Variants in L3MBTL4 observed in about 807,000 individuals in gnomAD.
L3MBTL4 encodes L3MBTL histone methyl-lysine binding protein 4, also known as lethal(3)malignant brain tumor-like protein 4.
Under a neutral mutation model 84.5 loss-of-function variants are expected in L3MBTL4, and 70 were observed. That is an observed-to-expected ratio of 0.83 (90% CI 0.68 to 1.01). The LOEUF (loss-of-function observed/expected upper bound fraction) is 1.01. L3MBTL4 is among the 50% of genes least tolerant of loss of function. The probability of loss-of-function intolerance (pLI) is 0.00; values close to 1 mark genes in which losing one functional copy is unlikely to be tolerated. For missense variants in L3MBTL4, 715 were observed against 754.8 expected (o/e 0.95, Z 0.62); for synonymous variants, 274 against 259.8 (o/e 1.05, Z -0.52).
Position 6,311,675 on chromosome 18 carries a change from T to C in L3MBTL4, c.-31-19A>G. 6.7e-7 allele frequency: 1 copy of C among 1,493,250 alleles called. No individual in the cohort carries two copies. Among genetic ancestry groups the C allele is most frequent in the Non-Finnish European group, 9.3e-7 (1 of 1,070,394 alleles). The allele number at this position is 1,493,250 out of a possible 1,614,324, so 92.5% of individuals were successfully genotyped here. On this transcript the variant is annotated intron_variant, in intron 2 of 18. Coordinates refer to ENST00000317931, the MANE Select transcript of L3MBTL4 (RefSeq NM_001330559.2). ...TGGTTTTCTGTAAAACAGGGTTACA[T>C]AAGAAGTTGGGGATGGGGGTGTGAC...
intron 4 of L3MBTL4, among the ~76,000 whole-genome samples, chr18:6,294,808 T>C (rs779079146): frequency 1.3e-5 from 2 of 152,162 alleles, no homozygotes; most frequent in Non-Finnish European, 2.9e-5. Flanking sequence ...ATCACAGATG[T>C]AGGAGAGACT....
chr18:5,955,547 G>A lies in L3MBTL4; in HGVS notation c.*673C>T, dbSNP rs575792921. On this transcript the variant is annotated 3_prime_UTR_variant, in exon 19 of 19. Transcript: ENST00000317931. ...AGCTTTTGGAAGTGCCCACCTGACC[G>A]TCCTCTCATTACTCCTGGCTACTCT... The A allele has an allele frequency of 2.0e-4, 31 of 152,338 alleles. No individual in the cohort carries two copies. Among genetic ancestry groups the A allele is most frequent in the African/African-American group, 4.6e-4 (19 of 41,562 alleles). The allele number at this position is 152,338 out of a possible 1,614,324, so 9.4% of individuals were successfully genotyped here. A position where few individuals can be genotyped will look rare whatever the true frequency, so the allele number is the denominator to read the frequency against.
intron 1 of L3MBTL4, among the ~76,000 whole-genome samples, chr18:6,321,034 A>G (rs1178901502): frequency 1.3e-5 from 2 of 152,192 alleles, no homozygotes; most frequent in African/African-American, 2.4e-5. Context: ...CCACATGTAG[A>G]AGAATGAAAC....
At chr18:6,191,997 C>T (rs537037911) in intron 12 of L3MBTL4, among the ~76,000 whole-genome samples, 242 of 146,054 alleles carry the variant, frequency 1.7e-3, no homozygotes, top group Non-Finnish European at 2.7e-3. Flanking sequence ...GTCCCCTCCT[C>T]CCCCCCCTCA....
chr18:6,045,455 TTTATTGGAC>T (rs148319916), intron 16 of L3MBTL4, among the ~76,000 whole-genome samples: 19,474 of 152,026 alleles, frequency 0.13, 1,546 homozygotes, highest in Middle Eastern at 0.2. Context: ...AAGAAAGAAG[TTTATTGGAC>T]TTACAGTTCC....
intron 10 of L3MBTL4, among the ~76,000 whole-genome samples, chr18:6,221,029 T>A (rs962098442): frequency 5.9e-5 from 9 of 152,310 alleles, no homozygotes; most frequent in Non-Finnish European, 8.8e-5. Flanking sequence ...TCCTCAGTTT[T>A]TTTTTCCATA....
intron 15 of L3MBTL4, among the ~76,000 whole-genome samples, chr18:6,087,448 G>A (rs867332851): frequency 8.5e-5 from 13 of 152,186 alleles, no homozygotes; most frequent in African/African-American, 2.4e-4. Context: ...CTTTCCCTCC[G>A]TAGAGCTCCT....
chr18:6,327,429 C>T (rs796254440), intron 1 of L3MBTL4, among the ~76,000 whole-genome samples: 4 of 152,112 alleles, frequency 2.6e-5, no homozygotes, highest in Non-Finnish European at 5.9e-5. Context: ...TTATACAGCA[C>T]TTAAAAGAGC....
chr18:6,368,767 T>A (rs1043127331), intron 1 of L3MBTL4, among the ~76,000 whole-genome samples: 1 of 152,062 alleles, frequency 6.6e-6, no homozygotes, highest in Non-Finnish European at 1.5e-5. Context: ...GGAGGCTGGG[T>A]GTGGTGGCTC....
chr18:6,179,572 A>G (rs1377250253), intron 12 of L3MBTL4, among the ~76,000 whole-genome samples: 1 of 152,224 alleles, frequency 6.6e-6, no homozygotes, highest in African/African-American at 2.4e-5. Flanking sequence ...GTGCCTTTAC[A>G]GAATACTATC....
At chr18:6,116,872 C>T (rs1287910864) in intron 14 of L3MBTL4, among the ~76,000 whole-genome samples, 3 of 152,230 alleles carry the variant, frequency 2.0e-5, no homozygotes, top group Non-Finnish European at 4.4e-5. Flanking sequence ...CATGTGCCTT[C>T]CAAACCCTGT....
At chr18:6,301,531 A>G (rs1022279214) in intron 4 of L3MBTL4, among the ~76,000 whole-genome samples, 1 of 152,216 alleles carries the variant, frequency 6.6e-6, no homozygotes, top group African/African-American at 2.4e-5. Flanking sequence ...CATGACTTCA[A>G]TACAATGCAA....
intron 14 of L3MBTL4, among the ~76,000 whole-genome samples, chr18:6,109,868 A>T (rs1315321224): frequency 6.6e-6 from 1 of 152,036 alleles, no homozygotes; most frequent in African/African-American, 2.4e-5. Context: ...TTTCCCTTAA[A>T]TAAAAGAGAA....
chr18:6,374,263 T>C (rs1014918153), intron 1 of L3MBTL4: 1 of 152,712 alleles, frequency 6.5e-6, no homozygotes, highest in Non-Finnish European at 1.5e-5. Context: ...CTTTTTTGTG[T>C]AAAATGCCAA....
chr18:6,164,317 G>T (rs184218182), intron 13 of L3MBTL4, among the ~76,000 whole-genome samples: 2,279 of 152,366 alleles, frequency 0.015, 53 homozygotes, highest in African/African-American at 0.052. Context: ...CTGTCTGACA[G>T]CTTTGAAGAG....
chr18:6,173,983 T>C (rs940351234), intron 12 of L3MBTL4, among the ~76,000 whole-genome samples: 1 of 151,984 alleles, frequency 6.6e-6, no homozygotes, highest in Non-Finnish European at 1.5e-5. Context: ...ATTAACACTT[T>C]GACAATTTGA....
intron 1 of L3MBTL4, among the ~76,000 whole-genome samples, chr18:6,413,453 T>G (rs899641842): frequency 6.6e-6 from 1 of 152,226 alleles, no homozygotes; most frequent in African/African-American, 2.4e-5. Context: ...CTTTCAACCG[T>G]TTCTCCTAAT....
At chr18:6,078,504 C>T (rs912084392) in intron 16 of L3MBTL4, among the ~76,000 whole-genome samples, 6 of 148,412 alleles carry the variant, frequency 4.0e-5, no homozygotes, top group Non-Finnish European at 7.4e-5. Context: ...ATCAGATTTG[C>T]AGGCTTAAGA....
At chr18:6,322,619 C>T (rs1354037596) in intron 1 of L3MBTL4, among the ~76,000 whole-genome samples, 1 of 151,896 alleles carries the variant, frequency 6.6e-6, no homozygotes, top group Non-Finnish European at 1.5e-5. Flanking sequence ...TATCCATGAA[C>T]AGATGAATGA....
Sources: gnomAD v4.1 joint callset for allele counts (sites outside exome capture counted in the v4.1 genomes callset) on GRCh38, gnomAD v4.1.1 for gene constraint, MANE v1.5 for transcripts, NCBI Gene and HGNC (gene_info 2026-07-23, HGNC 2026-07-21) for gene names.